RASGRP3: variants seen among roughly 807,000 people sequenced by gnomAD.
RASGRP3 encodes the protein RAS guanyl releasing protein 3.
RASGRP3 carries 54 observed loss-of-function variants against 82.7 expected under a neutral mutation model. The observed-to-expected ratio is 0.65, with a 90% CI of 0.52 to 0.82. RASGRP3 has a LOEUF of 0.82. RASGRP3 is among the 40% of genes least tolerant of loss of function. The pLI, the probability that RASGRP3 is intolerant of heterozygous loss-of-function variation, is 0.00. For synonymous variants in RASGRP3, 309 were observed against 300.5 expected (o/e 1.03, Z -0.29); for missense variants, 861 against 828.9 (o/e 1.04, Z -0.48).
rs573022728 is a variant in RASGRP3, at chr2:33,556,231, C to CTTTTTTTTTTTTTTTTT, written c.1579+675_1579+691dup. Among the ~76,000 whole-genome samples the CTTTTTTTTTTTTTTTTT allele has an allele frequency of 1.1e-3, 61 of 57,488 alleles. 1 individual carries two copies. The highest frequency in any genetic ancestry group is 1.4e-3 in the Admixed American group (6 of 4,436). The allele number at this position is 57,488 out of a possible 152,430, so 37.7% of individuals were successfully genotyped here. A position where few individuals can be genotyped will look rare whatever the true frequency, so the allele number is the denominator to read the frequency against. Reference sequence around the variant, plus strand: ...CAGTTTATATGGTTCTTCTAATAATCTTTTTTTTTTTTTTTTTTTTTTTTT... The same window carrying CTTTTTTTTTTTTTTTTT: ...CAGTTTATATGGTTCTTCTAATAATCTTTTTTTTTTTTTTTTTTTTTTTTTTTTTTTTTTTTTTTTTT... On this transcript the variant is annotated intron_variant, in intron 15 of 17. Transcript: ENST00000403687.
intron 1 of RASGRP3, among the ~76,000 whole-genome samples, chr2:33,485,150 A>G (rs998400035): frequency 1.3e-5 from 2 of 152,220 alleles, no homozygotes; most frequent in Non-Finnish European, 2.9e-5. Flanking sequence ...ATGAGCCTAG[A>G]TTGCGCCATT....
rs1676335940 is a variant in RASGRP3 at position 33,558,990 on chromosome 2, T to C, written c.2024T>C (p.Leu675Pro). ...GTAGACCGGGGCACGGAGTTTGAAC[T>C]TGACCAGGATGAAGGAGAAGAGACC... ...DVVDRGTEFE[L>P]DQDEGEETRQ... Residue 675 changes from leucine (L) to proline (P), a missense_variant, in exon 17 of 18, where the codon CTT becomes CCT. By Grantham distance (98) the Leu-to-Pro change is moderately conservative. Coordinates refer to ENST00000403687, the MANE Select transcript of RASGRP3 (RefSeq NM_001139488.2). 1.2e-6 allele frequency: 2 copies of C among 1,613,330 alleles called. No homozygotes were observed.
chr2:33,472,681 G>A (rs1037350629), upstream of RASGRP3, among the ~76,000 whole-genome samples: 1 of 152,142 alleles, frequency 6.6e-6, no homozygotes, highest in African/African-American at 2.4e-5. Context: ...AAAAGGTCAA[G>A]TAAGATGGCT....
intron 13 of RASGRP3, among the ~76,000 whole-genome samples, chr2:33,548,978 C>T (rs1035389303): frequency 2.8e-4 from 43 of 152,214 alleles, no homozygotes; most frequent in African/African-American, 7.5e-4. Context: ...CATGAGCCAC[C>T]GCACCTGGCC....
intron 2 of RASGRP3, among the ~76,000 whole-genome samples, chr2:33,463,847 GCC>G (rs1179676248): frequency 6.6e-6 from 1 of 151,580 alleles, no homozygotes; most frequent in Admixed American, 6.6e-5. Flanking sequence ...TGATCCGCCT[GCC>G]TCGGCCTCCC....
chr2:33,517,706 G>C (rs1671600634), intron 4 of RASGRP3, among the ~76,000 whole-genome samples: 2 of 152,198 alleles, frequency 1.3e-5, no homozygotes, highest in Admixed American at 1.3e-4. Flanking sequence ...AAATAGGTAA[G>C]GATGGAGGGC....
At chr2:33,527,523 G>T in intron 10 of RASGRP3, 111 bp downstream of exon 10, 1 of 1,150,422 alleles carries the variant, frequency 8.7e-7, no homozygotes, top group Non-Finnish European at 1.2e-6. Context: ...ATTGGTTTCA[G>T]AGTCAATAGA....
chr2:33,507,915 G>A (rs779712105), intron 1 of RASGRP3, among the ~76,000 whole-genome samples: 3 of 152,222 alleles, frequency 2.0e-5, no homozygotes, highest in Non-Finnish European at 4.4e-5. Context: ...AAACCAGTTA[G>A]TAATTGGTTA....
intron 5 of RASGRP3, among the ~76,000 whole-genome samples, 158 bp from the exon 6 acceptor site, chr2:33,520,393 TGA>T (rs1671909851): frequency 1.3e-5 from 2 of 152,162 alleles, no homozygotes; most frequent in African/African-American, 4.8e-5. Context: ...AGGCTCCATG[TGA>T]TGGATGGGGT....
At position 33,556,924 on chromosome 2, in the gene RASGRP3, C is replaced by T. The variant is rs13406026; in HGVS notation, c.1580-1287C>T. Among the ~76,000 whole-genome samples the T allele has an allele frequency of 7.5e-3, 738 of 98,148 alleles. 7 individuals carry two copies. Among genetic ancestry groups the T allele is most frequent in the South Asian group, 0.015 (48 of 3,238 alleles). 64.4% of individuals were successfully genotyped at this position (98,148 alleles called of 152,430 possible). ...ACACACACACACACACACACACACACACACGCAATTTTATAAAGATGAAAA... is the reference window on the plus strand; with the variant it reads ...ACACACACACACACACACACACACATACACGCAATTTTATAAAGATGAAAA... On this transcript the variant is annotated intron_variant, in intron 15 of 17. Transcript: ENST00000403687.
Position 33,558,680 on chromosome 2 carries a change from G to A in RASGRP3, c.1714G>A (p.Glu572Lys). 1 of 1,598,366 alleles carries A rather than the reference G, an allele frequency of 6.3e-7. No individual in the cohort carries two copies. Among genetic ancestry groups the A allele is most frequent in the Non-Finnish European group, 8.5e-7 (1 of 1,172,842 alleles). ...GSPSLPPAQDEVFEFPGVTAG... is the reference protein window; with the variant it reads ...GSPSLPPAQDKVFEFPGVTAG... ...CCCTTTTTCACTTCCAGCGCAGGAT[G>A]AGGTGTTTGAGTTCCCTGGAGTCAC... Residue 572 changes from glutamate (E) to lysine (K), a missense_variant, in exon 17 of 18, where the codon GAG becomes AAG. Glu to Lys is a moderately conservative substitution (Grantham distance 56, BLOSUM62 1). Transcript: ENST00000403687.
At chr2:33,499,139 CTG>C in intron 1 of RASGRP3, among the ~76,000 whole-genome samples, 1 of 152,154 alleles carries the variant, frequency 6.6e-6, no homozygotes, top group East Asian at 1.9e-4. Flanking sequence ...TTTCTGACCT[CTG>C]TTCCTCTCCT....
chr2:33,522,326 C>T (rs1231064630), intron 7 of RASGRP3, among the ~76,000 whole-genome samples: 1 of 152,140 alleles, frequency 6.6e-6, no homozygotes, highest in African/African-American at 2.4e-5. Context: ...TTCAATGTCT[C>T]CTTTCATAGG....
chr2:33,497,782 A>G (rs1669464871), intron 1 of RASGRP3, among the ~76,000 whole-genome samples: 1 of 152,242 alleles, frequency 6.6e-6, no homozygotes, highest in South Asian at 2.1e-4. Context: ...TAAAGATATC[A>G]TTGAATGGTT....
chr2:33,445,098 G>A (rs1165479174), intron 1 of RASGRP3, among the ~76,000 whole-genome samples: 2 of 152,212 alleles, frequency 1.3e-5, no homozygotes, highest in African/African-American at 2.4e-5. Flanking sequence ...TTGAAGGATA[G>A]GAAGTATGCT....
chr2:33,489,791 C>A (rs1668698248), intron 1 of RASGRP3, among the ~76,000 whole-genome samples: 1 of 152,218 alleles, frequency 6.6e-6, no homozygotes, highest in Non-Finnish European at 1.5e-5. Context: ...CCTGCCTCAG[C>A]CTCCCCATGT....
At chr2:33,441,850 C>T (rs1224095108) in intron 1 of RASGRP3, among the ~76,000 whole-genome samples, 7 of 152,036 alleles carry the variant, frequency 4.6e-5, no homozygotes, top group Admixed American at 3.9e-4. Context: ...TAAATTGAGA[C>T]AATAATGCGT....
At chr2:33,521,895 A>T in intron 6 of RASGRP3, 60 bp from the exon 7 acceptor site, 1 of 1,547,902 alleles carries the variant, frequency 6.5e-7, no homozygotes, top group Non-Finnish European at 8.7e-7. Context: ...GTAGGTTAAT[A>T]ACTTCCATTG....
intron 2 of RASGRP3, among the ~76,000 whole-genome samples, chr2:33,460,313 A>T (rs1211089559): frequency 6.6e-6 from 1 of 152,200 alleles, no homozygotes; most frequent in Non-Finnish European, 1.5e-5. Flanking sequence ...TGAAAGTTGC[A>T]TTTGAAAATA....
Sources: allele counts gnomAD v4.1 joint callset (sites outside exome capture counted in the v4.1 genomes callset), GRCh38; gene constraint gnomAD v4.1.1; transcripts MANE v1.5; gene names NCBI Gene and HGNC (gene_info 2026-07-23, HGNC 2026-07-21).